SAMD3: variants seen among roughly 807,000 people sequenced by gnomAD.
SAMD3 encodes sterile alpha motif domain containing 3.
A neutral mutation model predicts 58.5 loss-of-function variants in SAMD3; 63 were observed. That is an observed-to-expected ratio of 1.08 (90% CI 0.88 to 1.33). The LOEUF (loss-of-function observed/expected upper bound fraction) is 1.33. SAMD3 is among the 40% of genes most tolerant of loss of function. The pLI is 0.00. For missense variants in SAMD3, 604 were observed against 608.4 expected (o/e 0.99, Z 0.08); for synonymous variants, 220 against 210.3 (o/e 1.05, Z -0.40).
intron 1 of SAMD3, among the ~76,000 whole-genome samples, chr6:130,332,589 CAGA>C (rs1227160706): frequency 6.6e-6 from 1 of 152,114 alleles, no homozygotes; most frequent in Non-Finnish European, 1.5e-5. Context: ...AAGTAGCAAA[CAGA>C]AAAGTGATGG....
At chr6:130,241,800 A>C (rs1039158998) in intron 2 of SAMD3, among the ~76,000 whole-genome samples, 3 of 151,764 alleles carry the variant, frequency 2.0e-5, no homozygotes, top group Non-Finnish European at 4.4e-5. Flanking sequence ...TCTACATTTT[A>C]TTTTCTTTTT....
rs542477140 is a variant in SAMD3 at position 130,247,971 on chromosome 6, A to G, written c.-187-25158T>C. Among the ~76,000 whole-genome samples, 4 of 152,214 alleles carry G rather than the reference A, an allele frequency of 2.6e-5. No homozygotes were observed. The East Asian group carries it at 7.7e-4, about 29-fold the overall frequency. Reference sequence around the variant, plus strand: ...TGATTGTTGTTATATCATTTGGTTCATAAGTATTCCTAATATATTTAGTGT... The same window carrying G: ...TGATTGTTGTTATATCATTTGGTTCGTAAGTATTCCTAATATATTTAGTGT... On this transcript the variant is annotated intron_variant, in intron 2 of 13. Coordinates refer to the SAMD3 transcript ENST00000368134.
At chr6:130,277,041 G>A (rs1352549475) in intron 2 of SAMD3, among the ~76,000 whole-genome samples, 1 of 152,136 alleles carries the variant, frequency 6.6e-6, no homozygotes, top group African/African-American at 2.4e-5. Flanking sequence ...AAATAGTAAT[G>A]TTATCTATAA....
At chr6:130,159,321 G>A (rs908669926) in intron 8 of SAMD3, among the ~76,000 whole-genome samples, 1 of 152,162 alleles carries the variant, frequency 6.6e-6, no homozygotes, top group African/African-American at 2.4e-5. Flanking sequence ...ATAATTGTGA[G>A]GCCTCCCCAG....
At chr6:130,176,644 T>C (rs1791759196) in intron 7 of SAMD3, among the ~76,000 whole-genome samples, 1 of 152,242 alleles carries the variant, frequency 6.6e-6, no homozygotes, top group South Asian at 2.1e-4. Flanking sequence ...ATCATTCATT[T>C]ACATTGTGTT....
Position 130,306,756 on chromosome 6 carries a change from A to G in SAMD3, c.-188+6222T>C, listed in dbSNP as rs1775923909. On this transcript the variant is annotated intron_variant, in intron 2 of 13. Coordinates refer to the SAMD3 transcript ENST00000368134. ...ATTAGACATCACAGTATCAAGATTT[A>G]TACTAACCTTATAGAATGAGACAGA... Among the ~76,000 whole-genome samples, 3 of 152,350 alleles carry G rather than the reference A, an allele frequency of 2.0e-5. No homozygotes were observed. In the South Asian group the frequency reaches 6.2e-4, roughly 32 times the overall value.
chr6:130,275,064 C>T (rs1173515425), intron 2 of SAMD3, among the ~76,000 whole-genome samples: 1 of 152,114 alleles, frequency 6.6e-6, no homozygotes, highest in Non-Finnish European at 1.5e-5. Flanking sequence ...TCAAAATATA[C>T]ATTTTGATAA....
At chr6:130,150,806 G>A (rs191622951) in intron 9 of SAMD3, among the ~76,000 whole-genome samples, 134 of 151,624 alleles carry the variant, frequency 8.8e-4, no homozygotes, top group African/African-American at 3.1e-3. Flanking sequence ...CTGCCTTCCA[G>A]GTTCAAGCCA....
chr6:130,164,984 G>A (rs1408677367), intron 8 of SAMD3, among the ~76,000 whole-genome samples: 2 of 152,140 alleles, frequency 1.3e-5, no homozygotes, highest in African/African-American at 2.4e-5. Flanking sequence ...CCAAAACCAT[G>A]AGACAAAAAC....
intron 1 of SAMD3, among the ~76,000 whole-genome samples, chr6:130,351,972 C>G (rs1418332855): frequency 6.7e-6 from 1 of 149,956 alleles, no homozygotes; most frequent in East Asian, 2.0e-4. Flanking sequence ...GACAAAAAAC[C>G]AAACACCGCA....
At chr6:130,200,222 GTCTC>G (rs1197803802) in intron 5 of SAMD3, among the ~76,000 whole-genome samples, 4 of 151,910 alleles carry the variant, frequency 2.6e-5, no homozygotes, top group African/African-American at 7.3e-5. Context: ...ACGTCAACAA[GTCTC>G]ACAGAGCTAT....
rs759944146 is a variant in SAMD3, at chr6:130,184,207, G to C, written c.570-20C>G. ...GGGTACCTGTTCACCAAAACAAGGA[G>C]GATATGTTTCACTTCAAGCAAACCA... On this transcript the variant is annotated intron_variant, in intron 6 of 11. Coordinates refer to ENST00000439090, the MANE Select transcript of SAMD3 (RefSeq NM_001017373.4). The C allele has an allele frequency of 2.1e-5, 33 of 1,584,152 alleles. No individual in the cohort carries two copies. The highest frequency in any genetic ancestry group is 2.7e-5 in the Non-Finnish European group (31 of 1,159,432).
In SAMD3 at chr6:130,231,469, C is replaced by T. The variant is rs540272953; in HGVS notation, c.-187-8656G>A. The stretch of plus-strand genomic sequence containing the variant: ...ATCCCAGCTACTGGGGAGGCTGAGG[C>T]AGGAGATCCACTTGAACCTGGGAGG... On this transcript the variant is annotated intron_variant, in intron 2 of 13. Coordinates refer to the SAMD3 transcript ENST00000368134. Among the ~76,000 whole-genome samples, 15 of 152,210 alleles carry T rather than the reference C, an allele frequency of 9.9e-5. No individual in the cohort carries two copies. The East Asian group carries it at 2.1e-3, about 22-fold the overall frequency.
At chr6:130,188,896 C>A (rs371997872) in intron 5 of SAMD3, among the ~76,000 whole-genome samples, 1 of 152,094 alleles carries the variant, frequency 6.6e-6, no homozygotes, top group Non-Finnish European at 1.5e-5. Flanking sequence ...GTTCCTGCCC[C>A]CTTAATCCTC....
chr6:130,295,228 G>T (rs1019534578), intron 2 of SAMD3, among the ~76,000 whole-genome samples: 1 of 152,064 alleles, frequency 6.6e-6, no homozygotes, highest in Non-Finnish European at 1.5e-5. Flanking sequence ...CAGCCTCTCT[G>T]ATTATTTTTT....
chr6:130,348,562 A>T (rs1459008305), intron 1 of SAMD3, among the ~76,000 whole-genome samples: 1 of 152,200 alleles, frequency 6.6e-6, no homozygotes, highest in Non-Finnish European at 1.5e-5. Context: ...ATACAAGAGC[A>T]TCCAGATTCA....
chr6:130,221,070 G>T (rs549690418), intron 1 of SAMD3, among the ~76,000 whole-genome samples: 1 of 152,122 alleles, frequency 6.6e-6, no homozygotes, highest in East Asian at 1.9e-4. Flanking sequence ...TAGCCAGGAT[G>T]GTCTCGATCT....
chr6:130,317,224 G>C (rs113983246), intron 1 of SAMD3, among the ~76,000 whole-genome samples: 6 of 152,152 alleles, frequency 3.9e-5, no homozygotes, highest in African/African-American at 1.4e-4. Flanking sequence ...GGAGCCCAAC[G>C]CTTTCCTAAA....
At chr6:130,324,058 T>G (rs1173901191) in intron 1 of SAMD3, among the ~76,000 whole-genome samples, 1 of 152,158 alleles carries the variant, frequency 6.6e-6, no homozygotes, top group Non-Finnish European at 1.5e-5. Flanking sequence ...TTATAACATA[T>G]CAATCTTGCA....
Sources: gnomAD v4.1 joint callset for allele counts (sites outside exome capture counted in the v4.1 genomes callset) on GRCh38, gnomAD v4.1.1 for gene constraint, MANE v1.5 for transcripts, NCBI Gene and HGNC (gene_info 2026-07-23, HGNC 2026-07-21) for gene names.